Variants in AHDC1 observed in about 807,000 individuals in gnomAD.
AHDC1 encodes the protein AT-hook DNA binding motif containing 1.
A neutral mutation model predicts 87.9 loss-of-function variants in AHDC1; 7 were observed. The observed-to-expected ratio is 0.08, with a 90% CI of 0.05 to 0.15. AHDC1 has a LOEUF of 0.15. Ranked by LOEUF, AHDC1 falls within the 10% of genes least tolerant of loss-of-function variation. The pLI is 1.00. For missense variants in AHDC1, 1,841 were observed against 2,253.2 expected (o/e 0.82, Z 3.70); for synonymous variants, 1,051 against 1,006.8 (o/e 1.04, Z -0.83).
chr1:27,547,415 T>C lies in AHDC1; in HGVS notation c.4701A>G (p.Pro1567=). 1.3e-6 allele frequency: 2 copies of C among 1,576,980 alleles called. No homozygotes were observed. The highest frequency in any genetic ancestry group is 1.1e-5 in the South Asian group (1 of 87,110). The part of the protein sequence containing the change: ...LPLQDTAYRY[P]GFMPQAHPGL... The stretch of plus-strand genomic sequence containing the variant: ...CAGGATGCGCCTGGGGCATAAAGCC[T>C]GGGTACCTGTAGGCGGTGTCCTGCA... Residue 1567 remains proline, a synonymous_variant, in exon 8 of 9, where the codon CCA becomes CCG. Transcript: ENST00000673934. This position sits in a 1 kb window ranked among gnomAD's most constrained non-coding sequence, Gnocchi z 4.9.
In AHDC1 at chr1:27,562,976, A is replaced by G. The variant is rs558998045; in HGVS notation, c.-628-4093T>C. 5.9e-5 allele frequency among the ~76,000 whole-genome samples: 9 copies of G among 152,102 alleles called. No homozygotes were observed. Among genetic ancestry groups the G allele is most frequent in the Non-Finnish European group, 1.3e-4 (9 of 68,014 alleles). ...ACATAACCTGTCGCTTCCTCCAAAC[A>G]TGAGATGGGCACACCTGACACACCC... On this transcript the variant is annotated intron_variant, in intron 3 of 8. Coordinates refer to ENST00000673934, the MANE Select transcript of AHDC1 (RefSeq NM_001371928.1). The surrounding 1 kb of genome is among the most constrained non-coding windows in gnomAD (Gnocchi z 4.4).
At chr1:27,578,704 T>C (rs966151724) in intron 3 of AHDC1, among the ~76,000 whole-genome samples, 3 of 149,096 alleles carry the variant, frequency 2.0e-5, no homozygotes, top group Non-Finnish European at 3.0e-5. Flanking sequence ...TGGCTTCTCT[T>C]TTTTTTTTTT....
rs994588520 is a variant in AHDC1, at chr1:27,565,804, CCTGGAACTATCTT to C, written c.-628-6934_-628-6922del. Among the ~76,000 whole-genome samples the C allele has an allele frequency of 6.6e-6, 1 of 152,172 alleles. No individual in the cohort carries two copies. Among genetic ancestry groups the C allele is most frequent in the African/African-American group, 2.4e-5 (1 of 41,424 alleles). On this transcript the variant is annotated intron_variant, in intron 3 of 8. Transcript: ENST00000673934. The surrounding 1 kb of genome is among the most constrained non-coding windows in gnomAD (Gnocchi z 4.6). Reference sequence around the variant, plus strand: ...GAGAGCTTCTTGGGCCAGTTTAGCTCCTGGAACTATCTTCTGTTCCTACCCTGGGCTAGTGGAA... The same window carrying C: ...GAGAGCTTCTTGGGCCAGTTTAGCTCCTGTTCCTACCCTGGGCTAGTGGAA...
At chr1:27,545,505 G>A (rs1042710955) in intron 8 of AHDC1, among the ~76,000 whole-genome samples, 7 of 151,738 alleles carry the variant, frequency 4.6e-5, no homozygotes, top group Admixed American at 1.3e-4. Context: ...CCCCACACCC[G>A]TCCATTTTCC....
At chr1:27,592,322 C>T (rs1259764790) in intron 3 of AHDC1, among the ~76,000 whole-genome samples, 2 of 152,148 alleles carry the variant, frequency 1.3e-5, no homozygotes, top group Non-Finnish European at 2.9e-5. Flanking sequence ...CTCGCACCCG[C>T]ACCACCTGTC....
rs906766852 is a variant in AHDC1, at chr1:27,548,325, C to T, written c.3791G>A (p.Arg1264Gln). 5.0e-6 allele frequency: 8 copies of T among 1,606,418 alleles called. No homozygotes were observed. Among genetic ancestry groups the T allele is most frequent in the Non-Finnish European group, 5.1e-6 (6 of 1,175,038 alleles). The stretch of plus-strand genomic sequence containing the variant: ...TCGCGGCTGCCGGGGCCCAGTGCTC[C>T]GTTTGGATGGGTAGCCTGAGGCAGC... The part of the protein sequence containing the change: ...SAAASGYPSK[R>Q]STGPRQPRGG... Residue 1264 changes from arginine to glutamine, a missense_variant, in exon 8 of 9, where the codon CGG (arginine) becomes CAG (glutamine). Arg to Gln is a conservative substitution (Grantham distance 43, BLOSUM62 1). Around this residue, in one of 13 missense-constraint regions of AHDC1, gnomAD observed 505 missense variants for 626.2 expected, o/e 0.81. Coordinates refer to ENST00000673934, the MANE Select transcript of AHDC1 (RefSeq NM_001371928.1).
intron 8 of AHDC1, among the ~76,000 whole-genome samples, chr1:27,543,240 C>T (rs1303791613): frequency 6.6e-6 from 1 of 152,188 alleles, no homozygotes; most frequent in Non-Finnish European, 1.5e-5. Flanking sequence ...CCTTGGAGGG[C>T]CCTTCATACC....
chr1:27,580,172 A>G (rs2148435203), intron 3 of AHDC1, among the ~76,000 whole-genome samples: 1 of 152,312 alleles, frequency 6.6e-6, no homozygotes, highest in Non-Finnish European at 1.5e-5. Context: ...AGGCTGAGTC[A>G]AAGAGTTAGG....
At chr1:27,599,860 C>T (rs1021235918) in intron 3 of AHDC1, among the ~76,000 whole-genome samples, 1 of 151,998 alleles carries the variant, frequency 6.6e-6, no homozygotes, top group Non-Finnish European at 1.5e-5. Context: ...ACCCTGGAAT[C>T]TGTCTCCCCA....
chr1:27,548,141 T>A lies in AHDC1; in HGVS notation c.3975A>T (p.Pro1325=). ...DYYSGDSSMS[P]LPSQSRAFGV... is the part of the protein sequence containing the mutation. ...CGAAGGCCCTCGACTGTGAGGGCAG[T>A]GGTGACATGCTGCTGTCCCCGCTAT... Residue 1325 remains proline, a synonymous_variant, in exon 8 of 9, where the codon CCA becomes CCT. Coordinates refer to ENST00000673934, the MANE Select transcript of AHDC1 (RefSeq NM_001371928.1). The A allele has an allele frequency of 1.2e-6, 2 of 1,613,872 alleles. No homozygotes were observed. Among genetic ancestry groups the A allele is most frequent in the Non-Finnish European group, 1.7e-6 (2 of 1,180,034 alleles).
chr1:27,539,975 C>T (rs1208503151), intron 8 of AHDC1, among the ~76,000 whole-genome samples: 4 of 152,128 alleles, frequency 2.6e-5, no homozygotes, highest in African/African-American at 4.8e-5. Context: ...CTCTCTCTCT[C>T]TCTCTCTCCC....
Position 27,550,753 on chromosome 1 carries a change from A to G in AHDC1, c.1363T>C (p.Ser455Pro). Residue 455 changes from serine (S) to proline (P), a missense_variant, in exon 8 of 9, where the codon TCT (serine) becomes CCT (proline). Physicochemically the swap from Ser to Pro is moderately conservative, Grantham distance 74 (BLOSUM62 -1). Around this residue, in one of 13 missense-constraint regions of AHDC1, gnomAD observed 370 missense variants for 391.5 expected, o/e 0.95. Coordinates refer to ENST00000673934, the MANE Select transcript of AHDC1 (RefSeq NM_001371928.1). Reference sequence around the variant, plus strand: ...GTAGAGACCACTGGGGTCTGGGAAGATTCCGGCTTCAACTCTGGGACTGAG... The same window carrying G: ...GTAGAGACCACTGGGGTCTGGGAAGGTTCCGGCTTCAACTCTGGGACTGAG... The part of the protein sequence containing the change: ...PVSVPELKPE[S>P]SQTPVVSTRK... 1 of 1,579,048 alleles carries G rather than the reference A, an allele frequency of 6.3e-7. No individual in the cohort carries two copies. The highest frequency in any genetic ancestry group is 8.6e-7 in the Non-Finnish European group (1 of 1,163,106).
intron 5 of AHDC1, among the ~76,000 whole-genome samples, chr1:27,555,480 G>T (rs2019777719): frequency 6.6e-6 from 1 of 152,138 alleles, no homozygotes; most frequent in Admixed American, 6.6e-5. Context: ...CCCACCTACT[G>T]GTCCCACCTA....
chr1:27,551,178 G>C lies in AHDC1; in HGVS notation c.938C>G (p.Ala313Gly). 3 of 1,609,488 alleles carry C rather than the reference G, an allele frequency of 1.9e-6. No individual in the cohort carries two copies. Among genetic ancestry groups the C allele is most frequent in the Non-Finnish European group, 1.7e-6 (2 of 1,178,818 alleles). The change falls in exon 8 of 9, where the codon GCT becomes GGT. Residue 313 changes from alanine (A) to glycine (G), a missense_variant. By Grantham distance (60) the Ala-to-Gly change is moderately conservative. Around this residue, in one of 13 missense-constraint regions of AHDC1, gnomAD observed 370 missense variants for 391.5 expected, o/e 0.95. Transcript: ENST00000673934. ...LADPLGLPGL[A>G]LQALDTLPDS... ...AGGCAGGGTGTCCAGGGCCTGGAGA[G>C]CCAGGCCCGGCAGCCCCAGAGGATC... is the stretch of plus-strand genomic sequence containing the variant.
In AHDC1 at chr1:27,565,683, C is replaced by T. The variant is rs926606292; in HGVS notation, c.-628-6800G>A. Among the ~76,000 whole-genome samples the T allele has an allele frequency of 6.6e-6, 1 of 152,302 alleles. No individual in the cohort carries two copies. ...CAGACATGAAGCAAGGATAGTATCC[C>T]TATACCATCTGGGGAAACTGAGGCA... is the stretch of plus-strand genomic sequence containing the variant. On this transcript the variant is annotated intron_variant, in intron 3 of 8. Coordinates refer to ENST00000673934, the MANE Select transcript of AHDC1 (RefSeq NM_001371928.1). This position sits in a 1 kb window ranked among gnomAD's most constrained non-coding sequence, Gnocchi z 4.6.
At chr1:27,567,451 TTGTC>T (rs1188665255) in intron 3 of AHDC1, among the ~76,000 whole-genome samples, 2 of 152,124 alleles carry the variant, frequency 1.3e-5, no homozygotes, top group African/African-American at 4.8e-5. Flanking sequence ...ATGTCACTAA[TTGTC>T]TGAAGGAACA....
In AHDC1 at chr1:27,547,227, C is replaced by G; in HGVS notation, c.*43+34G>C. On this transcript the variant is annotated intron_variant, in intron 8 of 8. Transcript: ENST00000673934. The surrounding 1 kb of genome is among the most constrained non-coding windows in gnomAD (Gnocchi z 4.9). ...CTGATGTCCTCTTCCCACCCCCAGG[C>G]CTCTGCCCACTGCGCCCACATCCCC... 1.4e-6 allele frequency: 2 copies of G among 1,405,690 alleles called. No individual in the cohort carries two copies. Among genetic ancestry groups the G allele is most frequent in the Non-Finnish European group, 1.9e-6 (2 of 1,042,784 alleles). The allele number at this position is 1,405,690 out of a possible 1,614,324, so 87.1% of individuals were successfully genotyped here. A position where few individuals can be genotyped will look rare whatever the true frequency, so the allele number is the denominator to read the frequency against.
At chr1:27,538,622 C>T in intron 8 of AHDC1, among the ~76,000 whole-genome samples, 1 of 151,710 alleles carries the variant, frequency 6.6e-6, no homozygotes, top group South Asian at 2.1e-4. Flanking sequence ...CCATGAGATC[C>T]TCCCATCTCA....
chr1:27,570,448 C>T (rs1413215250), intron 3 of AHDC1, among the ~76,000 whole-genome samples: 1 of 152,072 alleles, frequency 6.6e-6, no homozygotes, highest in Non-Finnish European at 1.5e-5. Context: ...AGGCACAGGG[C>T]TGGGCAAAGA....
Sources: allele counts gnomAD v4.1 joint callset (sites outside exome capture counted in the v4.1 genomes callset), GRCh38; gene constraint gnomAD v4.1.1; regional missense constraint gnomAD v4.1.1; non-coding constraint Gnocchi (gnomAD v3.1); transcripts MANE v1.5; gene names NCBI Gene and HGNC (gene_info 2026-07-23, HGNC 2026-07-21).